KIF16B: variants seen among roughly 807,000 people sequenced by gnomAD.
KIF16B encodes the protein kinesin-like protein KIF16B.
A neutral mutation model predicts 156.3 loss-of-function variants in KIF16B; 98 were observed. The ratio of observed to expected loss-of-function variants is 0.63; its 90% CI spans 0.53 to 0.74. The LOEUF is 0.74. KIF16B is among the 30% of genes least tolerant of loss of function. The probability of loss-of-function intolerance (pLI) is 0.00; values close to 1 mark genes in which losing one functional copy is unlikely to be tolerated. For missense variants in KIF16B, 1,421 were observed against 1,606.5 expected, an observed-to-expected ratio of 0.88 and a Z score of 1.97; for synonymous variants, 564 against 583.7, an observed-to-expected ratio of 0.97 and a Z score of 0.49.
chr20:16,564,809 C>A (rs1312570995), intron 1 of KIF16B, among the ~76,000 whole-genome samples: 1 of 152,192 alleles, frequency 6.6e-6, no homozygotes, highest in Middle Eastern at 3.2e-3. Context: ...ACAGCCCAAT[C>A]ACACTGCACA....
intron 12 of KIF16B, among the ~76,000 whole-genome samples, chr20:16,485,033 A>G (rs1345395439): frequency 6.6e-6 from 1 of 152,190 alleles, no homozygotes; most frequent in Non-Finnish European, 1.5e-5. Flanking sequence ...CCTTTAGCCA[A>G]TGAGGCATTA....
At position 16,379,878 on chromosome 20, in the gene KIF16B, T is replaced by C. The variant is rs1377611993; in HGVS notation, c.2124A>G (p.Glu708=). Residue 708 remains glutamate (E), a synonymous_variant, in exon 19 of 26, where the codon GAA becomes GAG. Coordinates refer to ENST00000354981, the MANE Select transcript of KIF16B (RefSeq NM_024704.5). ...EEETFLRVQE[E]LQRLKELNNN... ...TGTTGAGTTCTTTGAGTCGTTGGAG[T>C]TCTTCTTGGACGCGGAGAAAGGTCT... is the stretch of plus-strand genomic sequence containing the variant. 1.2e-6 allele frequency: 2 copies of C among 1,614,060 alleles called. No individual in the cohort carries two copies. Among genetic ancestry groups the C allele is most frequent in the African/African-American group, 1.3e-5 (1 of 74,916 alleles).
intron 23 of KIF16B, among the ~76,000 whole-genome samples, chr20:16,352,910 A>G (rs760590527): frequency 5.9e-5 from 9 of 152,244 alleles, no homozygotes; most frequent in Non-Finnish European, 1.3e-4. Context: ...GCTATACAGC[A>G]AACAGGGGTC....
intron 1 of KIF16B, among the ~76,000 whole-genome samples, chr20:16,555,546 A>C (rs1272211339): frequency 6.6e-6 from 1 of 152,260 alleles, no homozygotes; most frequent in Non-Finnish European, 1.5e-5. Context: ...AGCTCATAAA[A>C]GGAAAAAGCA....
intron 1 of KIF16B, among the ~76,000 whole-genome samples, chr20:16,564,923 C>T (rs1447851043): frequency 2.0e-5 from 3 of 152,144 alleles, no homozygotes; most frequent in African/African-American, 7.2e-5. Flanking sequence ...CCTCCCAAGC[C>T]TTGAGCCCCC....
chr20:16,485,301 A>G lies in KIF16B; in HGVS notation c.1302+8990T>C, dbSNP rs566751272. Reference sequence around the variant, plus strand: ...CTGGTCCACAAAATTAAGAGAAATAATCACAGTCTGTTTAAGCCACTAGGT... The same window carrying G: ...CTGGTCCACAAAATTAAGAGAAATAGTCACAGTCTGTTTAAGCCACTAGGT... On this transcript the variant is annotated intron_variant, in intron 12 of 25. Coordinates refer to ENST00000354981, the MANE Select transcript of KIF16B (RefSeq NM_024704.5). Among the ~76,000 whole-genome samples the G allele has an allele frequency of 2.6e-5, 4 of 152,256 alleles. No homozygotes were observed. The South Asian group carries it at 8.3e-4, about 32-fold the overall frequency.
intron 25 of KIF16B, among the ~76,000 whole-genome samples, chr20:16,286,675 T>C (rs965159179): frequency 6.6e-6 from 1 of 152,162 alleles, no homozygotes; most frequent in Non-Finnish European, 1.5e-5. Context: ...AAGAGTGGAA[T>C]CCATTTCTGC....
intron 15 of KIF16B, among the ~76,000 whole-genome samples, chr20:16,425,607 C>T (rs1398854457): frequency 6.6e-6 from 1 of 152,116 alleles, no homozygotes; most frequent in Non-Finnish European, 1.5e-5. Context: ...TTCCCACATA[C>T]TTACTAATAA....
intron 25 of KIF16B, among the ~76,000 whole-genome samples, chr20:16,298,670 A>G (rs1303862838): frequency 6.6e-6 from 1 of 152,178 alleles, no homozygotes; most frequent in East Asian, 1.9e-4. Flanking sequence ...CCTAAAAGAA[A>G]GACCATCAGA....
At chr20:16,501,299 ATT>A (rs2068616534) in intron 10 of KIF16B, among the ~76,000 whole-genome samples, 1 of 94,424 alleles carries the variant, frequency 1.1e-5, no homozygotes, top group Non-Finnish European at 2.8e-5. Context: ...CAAGAATTGA[ATT>A]CTTGGTTCAA....
intron 25 of KIF16B, among the ~76,000 whole-genome samples, chr20:16,295,123 A>G (rs78339249): frequency 0.041 from 6,279 of 152,286 alleles, 147 homozygotes; most frequent in African/African-American, 0.053. Context: ...AAACCTAAGC[A>G]AATCCATTAT....
chr20:16,447,788 AT>A (rs1177846489), intron 12 of KIF16B, among the ~76,000 whole-genome samples: 2 of 152,122 alleles, frequency 1.3e-5, no homozygotes, highest in African/African-American at 4.8e-5. Flanking sequence ...TATATGGGCC[AT>A]ACCCTGAGGA....
chr20:16,359,377 T>C (rs989964422), intron 22 of KIF16B, among the ~76,000 whole-genome samples: 3 of 152,272 alleles, frequency 2.0e-5, no homozygotes, highest in African/African-American at 7.2e-5. Flanking sequence ...GCTCCCACTG[T>C]GTGAGATACC....
At chr20:16,426,050 G>A (rs927369102) in intron 15 of KIF16B, among the ~76,000 whole-genome samples, 4 of 152,018 alleles carry the variant, frequency 2.6e-5, no homozygotes, top group African/African-American at 7.2e-5. Context: ...TCACTATCAC[G>A]AGAACAGCAA....
intron 22 of KIF16B, among the ~76,000 whole-genome samples, chr20:16,362,598 A>G (rs965468999): frequency 2.5e-4 from 38 of 152,356 alleles, no homozygotes; most frequent in African/African-American, 8.4e-4. Context: ...CAATGTCAAG[A>G]ATAACAGTGA....
chr20:16,510,352 T>A (rs914176971), intron 6 of KIF16B, among the ~76,000 whole-genome samples: 3 of 152,118 alleles, frequency 2.0e-5, no homozygotes, highest in Non-Finnish European at 4.4e-5. Flanking sequence ...TAAGTGGAAA[T>A]TTATTAAAAT....
intron 25 of KIF16B, among the ~76,000 whole-genome samples, chr20:16,291,324 G>A (rs2063311935): frequency 6.6e-6 from 1 of 152,124 alleles, no homozygotes; most frequent in Non-Finnish European, 1.5e-5. Flanking sequence ...TGGTCATCTC[G>A]TTACTTAAGG....
At chr20:16,490,193 T>A (rs1319214996) in intron 12 of KIF16B, among the ~76,000 whole-genome samples, 1 of 152,080 alleles carries the variant, frequency 6.6e-6, no homozygotes, top group East Asian at 1.9e-4. Flanking sequence ...TAAGTTAAAA[T>A]TAATTAATTA....
At chr20:16,546,347 T>C (rs921059701) in intron 1 of KIF16B, among the ~76,000 whole-genome samples, 7 of 152,250 alleles carry the variant, frequency 4.6e-5, no homozygotes, top group Non-Finnish European at 8.8e-5. Flanking sequence ...AGGCCAGCTA[T>C]GGAGTCGATA....
Sources: gnomAD v4.1 joint callset for allele counts (sites outside exome capture counted in the v4.1 genomes callset) on GRCh38, gnomAD v4.1.1 for gene constraint, MANE v1.5 for transcripts, NCBI Gene and HGNC (gene_info 2026-07-23, HGNC 2026-07-21) for gene names.